UBAC2: variants seen among roughly 807,000 people sequenced by gnomAD.
UBAC2 encodes the protein UBA domain containing 2, also known as ubiquitin-associated domain-containing protein 2.
UBAC2 carries 26 observed loss-of-function variants against 44.0 expected under a neutral mutation model. The observed-to-expected ratio is 0.59, with a 90% CI of 0.43 to 0.82. The LOEUF (loss-of-function observed/expected upper bound fraction) is 0.82, where lower values mean the gene tolerates loss of function less well. Ranked by LOEUF, UBAC2 falls within the 40% of genes least tolerant of loss-of-function variation. The pLI is 0.00. For missense variants in UBAC2, 329 were observed against 419.4 expected, an observed-to-expected ratio of 0.78 and a Z score of 1.88; for synonymous variants, 155 against 154.3, an observed-to-expected ratio of 1.00 and a Z score of -0.04.
chr13:99,252,373 T>A (rs2043469225), intron 4 of UBAC2, among the ~76,000 whole-genome samples: 1 of 152,228 alleles, frequency 6.6e-6, no homozygotes, highest in African/African-American at 2.4e-5. Context: ...CATTTAGTAA[T>A]GTTGAAGAGC....
chr13:99,350,976 G>A (rs183647914), intron 7 of UBAC2, among the ~76,000 whole-genome samples: 6 of 152,288 alleles, frequency 3.9e-5, no homozygotes, highest in Admixed American at 2.0e-4. Context: ...GTGTTGAGTC[G>A]TGTGTGAGTG....
intron 1 of UBAC2, among the ~76,000 whole-genome samples, chr13:99,213,690 T>G (rs921158593): frequency 3.3e-5 from 5 of 151,718 alleles, no homozygotes; most frequent in African/African-American, 7.3e-5. Flanking sequence ...CTAAAATAAG[T>G]TTTTTTTGCA....
intron 6 of UBAC2, among the ~76,000 whole-genome samples, chr13:99,322,474 T>C: frequency 6.6e-6 from 1 of 152,190 alleles, no homozygotes; most frequent in Non-Finnish European, 1.5e-5. Flanking sequence ...GAGCCTTCTT[T>C]TGCCAATTTT....
chr13:99,349,626 G>A (rs1332642060), intron 7 of UBAC2, among the ~76,000 whole-genome samples: 1 of 152,208 alleles, frequency 6.6e-6, no homozygotes, highest in African/African-American at 2.4e-5. Context: ...CTCTTAGGTA[G>A]CCGAAGCTGA....
chr13:99,277,781 A>G (rs1594080610), intron 4 of UBAC2, among the ~76,000 whole-genome samples: 1 of 151,572 alleles, frequency 6.6e-6, no homozygotes, highest in Non-Finnish European at 1.5e-5. Flanking sequence ...GGCTTTGAGT[A>G]TTTCAGGCAC....
intron 8 of UBAC2, among the ~76,000 whole-genome samples, chr13:99,375,665 G>T (rs980457594): frequency 6.6e-6 from 1 of 152,188 alleles, no homozygotes; most frequent in African/African-American, 2.4e-5. Context: ...ACCAAAAGGA[G>T]TCTTTCACTG....
At chr13:99,206,904 C>T (rs2042879345) in intron 1 of UBAC2, among the ~76,000 whole-genome samples, 1 of 152,258 alleles carries the variant, frequency 6.6e-6, no homozygotes, top group Non-Finnish European at 1.5e-5. Flanking sequence ...TGCTCCCTCT[C>T]TCTGACTTGT....
chr13:99,270,046 C>T (rs2043796421), intron 4 of UBAC2, among the ~76,000 whole-genome samples: 2 of 152,076 alleles, frequency 1.3e-5, no homozygotes, highest in South Asian at 4.1e-4. Flanking sequence ...TTTTCCTAAA[C>T]AACACAATAA....
intron 1 of UBAC2, among the ~76,000 whole-genome samples, chr13:99,208,324 T>C (rs999482801): frequency 8.5e-5 from 13 of 152,150 alleles, no homozygotes; most frequent in Non-Finnish European, 1.9e-4. Context: ...ATACACTCAG[T>C]TGGGGAGCTG....
At chr13:99,273,373 T>A (rs921801426) in intron 4 of UBAC2, among the ~76,000 whole-genome samples, 1 of 152,204 alleles carries the variant, frequency 6.6e-6, no homozygotes, top group Non-Finnish European at 1.5e-5. Flanking sequence ...CCACAGCCAC[T>A]GCAGGACCTT....
At chr13:99,300,818 C>T (rs1262496262) in intron 4 of UBAC2, among the ~76,000 whole-genome samples, 1 of 152,234 alleles carries the variant, frequency 6.6e-6, no homozygotes, top group Admixed American at 6.5e-5. Flanking sequence ...TCCTCATACA[C>T]AGCAGTACTC....
chr13:99,284,167 A>G (rs909193335), intron 4 of UBAC2, among the ~76,000 whole-genome samples: 2 of 152,266 alleles, frequency 1.3e-5, no homozygotes, highest in Admixed American at 1.3e-4. Context: ...AAGACAACTT[A>G]TATGATTGTA....
At chr13:99,334,465 C>T (rs1282950379) in intron 6 of UBAC2, among the ~76,000 whole-genome samples, 2 of 152,100 alleles carry the variant, frequency 1.3e-5, no homozygotes, top group African/African-American at 4.8e-5. Flanking sequence ...CAAAATTATA[C>T]TTTGTTTCAG....
At chr13:99,232,543 A>C (rs917846996) in intron 1 of UBAC2, among the ~76,000 whole-genome samples, 1 of 151,878 alleles carries the variant, frequency 6.6e-6, no homozygotes, top group Non-Finnish European at 1.5e-5. Flanking sequence ...TGTAATATTA[A>C]AATTTTATGT....
chr13:99,274,616 T>G (rs1294719936), intron 4 of UBAC2, among the ~76,000 whole-genome samples: 1 of 152,218 alleles, frequency 6.6e-6, no homozygotes, highest in African/African-American at 2.4e-5. Flanking sequence ...ATGAGGCACG[T>G]GCCTGGCCTC....
At chr13:99,351,989 T>C (rs767691194) in intron 7 of UBAC2, 1 of 341,128 alleles carries the variant, frequency 2.9e-6, no homozygotes, top group African/African-American at 2.1e-5. Context: ...ACATCCTCAC[T>C]TGGTAACATT....
chr13:99,243,038 G>T (rs1180665135), intron 2 of UBAC2, among the ~76,000 whole-genome samples: 1 of 152,056 alleles, frequency 6.6e-6, no homozygotes, highest in East Asian at 1.9e-4. Context: ...TGGGCAGCCA[G>T]CAAAATTTTA....
At chr13:99,316,665 G>A (rs922848114) in intron 5 of UBAC2, among the ~76,000 whole-genome samples, 2 of 152,210 alleles carry the variant, frequency 1.3e-5, no homozygotes, top group Non-Finnish European at 2.9e-5. Context: ...GACATAGGCA[G>A]ACATAATGGG....
At chr13:99,278,961 T>C (rs1258669554) in intron 4 of UBAC2, among the ~76,000 whole-genome samples, 2 of 152,240 alleles carry the variant, frequency 1.3e-5, no homozygotes, top group African/African-American at 4.8e-5. Context: ...TTTCTGAGTA[T>C]TGATTATAAC....
Sources: gnomAD v4.1 joint callset for allele counts (sites outside exome capture counted in the v4.1 genomes callset) on GRCh38, gnomAD v4.1.1 for gene constraint, MANE v1.5 for transcripts, NCBI Gene and HGNC (gene_info 2026-07-23, HGNC 2026-07-21) for gene names.